Variants in CLIP2 observed in about 807,000 individuals in gnomAD.
CLIP2 encodes the protein CAP-Gly domain containing linker protein 2, also known as CAP-Gly domain-containing linker protein 2.
In CLIP2, 41 loss-of-function variants were observed where a neutral mutation model predicts 111.7. That is an observed-to-expected ratio of 0.37 (90% CI 0.29 to 0.48). The LOEUF (loss-of-function observed/expected upper bound fraction) is 0.48. Among genes scored for constraint, CLIP2 ranks in the 20% least tolerant of loss-of-function variants. The pLI, the probability that CLIP2 is intolerant of heterozygous loss-of-function variation, is 0.99. For missense variants in CLIP2, 1,160 were observed against 1,422.1 expected, an observed-to-expected ratio of 0.82 and a Z score of 2.96; for synonymous variants, 660 against 644.2, an observed-to-expected ratio of 1.02 and a Z score of -0.37.
At chr7:74,293,848 A>G (rs1788093500) in intron 1 of CLIP2, among the ~76,000 whole-genome samples, 1 of 151,526 alleles carries the variant, frequency 6.6e-6, no homozygotes, top group African/African-American at 2.4e-5. Context: ...GCCCCGGGAC[A>G]GGAGGAGGCT....
At chr7:74,386,287 G>C (rs186382076) in intron 11 of CLIP2, 1 of 358,094 alleles carries the variant, frequency 2.8e-6, no homozygotes, top group African/African-American at 2.2e-5. Context: ...TGATCCGCCG[G>C]CCTCGGCCTC....
chr7:74,362,153 ACCAAAGACACCAGGCGGTGG>A (rs1790346494), intron 7 of CLIP2, among the ~76,000 whole-genome samples: 1 of 151,692 alleles, frequency 6.6e-6, no homozygotes, highest in Non-Finnish European at 1.5e-5. Context: ...CAGCCCTCCA[ACCAAAGACACCAGGCGGTGG>A]GGACTCTGGC....
intron 1 of CLIP2, among the ~76,000 whole-genome samples, chr7:74,314,846 C>T (rs1788728094): frequency 6.6e-6 from 1 of 152,160 alleles, no homozygotes; most frequent in African/African-American, 2.4e-5. Flanking sequence ...ACCCCTCCGG[C>T]CCCCTGCAGC....
At chr7:74,316,611 G>C (rs782543778) in intron 1 of CLIP2, among the ~76,000 whole-genome samples, 4 of 151,502 alleles carry the variant, frequency 2.6e-5, no homozygotes, top group Non-Finnish European at 5.9e-5. Context: ...GTCCAGGCTG[G>C]AGTGCAGCAG....
chr7:74,290,300 A>T (rs1307678207), intron 1 of CLIP2, among the ~76,000 whole-genome samples: 1 of 152,206 alleles, frequency 6.6e-6, no homozygotes, highest in Non-Finnish European at 1.5e-5. Flanking sequence ...TGCTTGGCTG[A>T]GGTGGGGTAG....
chr7:74,400,382 T>C lies in CLIP2; in HGVS notation c.2893T>C (p.Ser965Pro). 2 of 1,608,964 alleles carry C rather than the reference T, an allele frequency of 1.2e-6. No individual in the cohort carries two copies. Among genetic ancestry groups the C allele is most frequent in the Non-Finnish European group, 8.5e-7 (1 of 1,176,980 alleles). ...CTGCCACTTCCAGGACAAAGAGAAA[T>C]CCCTGTCGGATCAGAGGCGCTACTC... is the stretch of plus-strand genomic sequence containing the variant. ...EKLTGLDKEK[S>P]LSDQRRYSLI... Residue 965 changes from serine to proline, a missense_variant, in exon 15 of 17, where the codon TCC becomes CCC. This residue lies in a region of CLIP2 where 676 missense variants were observed against 777.8 expected (regional missense o/e 0.87). Coordinates refer to ENST00000223398, the MANE Select transcript of CLIP2 (RefSeq NM_003388.5).
chr7:74,315,002 C>T lies in CLIP2; in HGVS notation c.-67-2478C>T, dbSNP rs117044907. Among the ~76,000 whole-genome samples, 14 of 152,296 alleles carry T rather than the reference C, an allele frequency of 9.2e-5. No individual in the cohort carries two copies. The East Asian group carries it at 1.7e-3, about 19-fold the overall frequency. On this transcript the variant is annotated intron_variant, in intron 1 of 16. Coordinates refer to ENST00000223398, the MANE Select transcript of CLIP2 (RefSeq NM_003388.5). ...TCATAAGGACACAAAGCTGGCCGGG[C>T]GTGGTGGCTCACGCCTGTAATCCCA...
Position 74,376,388 on chromosome 7 carries a change from G to C in CLIP2, c.1987G>C (p.Glu663Gln), listed in dbSNP as rs1554312859. 6.2e-7 allele frequency: 1 copy of C among 1,614,090 alleles called. No individual in the cohort carries two copies. Reference sequence around the variant, plus strand: ...GGGCATCAAGATGGAGCACCAGCTGGAGCTGGGTAACTTGCAGGCCAAGCA... The same window carrying C: ...GGGCATCAAGATGGAGCACCAGCTGCAGCTGGGTAACTTGCAGGCCAAGCA... The part of the protein sequence containing the change: ...MEGIKMEHQL[E>Q]LGNLQAKHDL... The change falls in exon 10 of 17, where the codon GAG becomes CAG. Residue 663 changes from glutamate to glutamine, a missense_variant. Glu to Gln is a conservative substitution (Grantham distance 29, BLOSUM62 2). Transcript: ENST00000223398. The surrounding 1 kb of genome is among the most constrained non-coding windows in gnomAD (Gnocchi z 7.1).
At chr7:74,368,941 A>G (rs1790529495) in intron 8 of CLIP2, among the ~76,000 whole-genome samples, 1 of 152,174 alleles carries the variant, frequency 6.6e-6, no homozygotes, top group South Asian at 2.1e-4. Flanking sequence ...GGCCGGGTGC[A>G]GTGGCTCACA....
intron 8 of CLIP2, among the ~76,000 whole-genome samples, chr7:74,366,085 A>G (rs1790465031): frequency 6.6e-6 from 1 of 151,786 alleles, no homozygotes; most frequent in Non-Finnish European, 1.5e-5. Context: ...GCCCCCACCC[A>G]TCTTAAAAGT....
intron 3 of CLIP2, among the ~76,000 whole-genome samples, chr7:74,350,148 G>T (rs1789942607): frequency 1.3e-5 from 2 of 151,862 alleles, no homozygotes. Flanking sequence ...CCGCCTCCTG[G>T]GTTCAAGCGA....
At chr7:74,308,300 T>C (rs1023642438) in intron 1 of CLIP2, among the ~76,000 whole-genome samples, 4 of 152,072 alleles carry the variant, frequency 2.6e-5, no homozygotes, top group Non-Finnish European at 5.9e-5. Context: ...TCACGCCTGA[T>C]CTCTGCCTCA....
chr7:74,309,050 G>A (rs1788569006), intron 1 of CLIP2, among the ~76,000 whole-genome samples: 1 of 151,118 alleles, frequency 6.6e-6, no homozygotes, highest in South Asian at 2.1e-4. Flanking sequence ...GTATTATTTT[G>A]TAGAGATAGA....
intron 7 of CLIP2, among the ~76,000 whole-genome samples, chr7:74,363,025 A>G (rs1790377222): frequency 6.7e-6 from 1 of 149,196 alleles, no homozygotes; most frequent in African/African-American, 2.5e-5. Flanking sequence ...TTCCCCCAAG[A>G]TGGAGTTTCG....
intron 13 of CLIP2, among the ~76,000 whole-genome samples, chr7:74,390,134 G>A (rs1265824590): frequency 1.2e-4 from 12 of 103,328 alleles, no homozygotes; most frequent in African/African-American, 3.0e-4. Context: ...GAGAGAGAGA[G>A]AGAAAGAAAG....
At chr7:74,374,651 G>A (rs1790724492) in intron 9 of CLIP2, among the ~76,000 whole-genome samples, 1 of 152,128 alleles carries the variant, frequency 6.6e-6, no homozygotes, top group African/African-American at 2.4e-5. Context: ...AACCGGGGAG[G>A]TGGAGGTTGC....
Position 74,403,862 on chromosome 7 carries a change from C to T in CLIP2, c.*14C>T. ...GACAAGCACTGATCCTGAGGGGATA[C>T]TGTGGAGCAGCCCAGTCCACACCAG... is the stretch of plus-strand genomic sequence containing the variant. On this transcript the variant is annotated 3_prime_UTR_variant, in exon 17 of 17. Coordinates refer to ENST00000223398, the MANE Select transcript of CLIP2 (RefSeq NM_003388.5). 1 of 1,613,068 alleles carries T rather than the reference C, an allele frequency of 6.2e-7. No homozygotes were observed. Among genetic ancestry groups the T allele is most frequent in the Non-Finnish European group, 8.5e-7 (1 of 1,179,856 alleles).
chr7:74,370,961 T>G (rs1364087881), intron 8 of CLIP2, among the ~76,000 whole-genome samples: 1 of 151,848 alleles, frequency 6.6e-6, no homozygotes, highest in Non-Finnish European at 1.5e-5. Context: ...ATAAACCCGT[T>G]GAGGGGCCAG....
At chr7:74,351,555 G>A (rs1789998867) in intron 3 of CLIP2, among the ~76,000 whole-genome samples, 1 of 151,706 alleles carries the variant, frequency 6.6e-6, no homozygotes, top group African/African-American at 2.4e-5. Flanking sequence ...TAGTAAACCA[G>A]CCAGACGTGG....
Sources: gnomAD v4.1 joint callset for allele counts (sites outside exome capture counted in the v4.1 genomes callset) on GRCh38, gnomAD v4.1.1 for gene constraint, gnomAD v4.1.1 regional missense constraint, Gnocchi (gnomAD v3.1) non-coding constraint, MANE v1.5 for transcripts, NCBI Gene and HGNC (gene_info 2026-07-23, HGNC 2026-07-21) for gene names.